TECPR2: variants seen among roughly 807,000 people sequenced by gnomAD.
TECPR2 encodes the protein tectonin beta-propeller repeat-containing protein 2.
A neutral mutation model predicts 138.1 loss-of-function variants in TECPR2; 65 were observed. That is an observed-to-expected ratio of 0.47 (90% CI 0.39 to 0.58). TECPR2 has a LOEUF of 0.58. Ranked by LOEUF, TECPR2 falls within the 20% of genes least tolerant of loss-of-function variation. TECPR2 has a pLI of 0.00. For missense variants in TECPR2, 1,553 were observed against 1,824.5 expected, an observed-to-expected ratio of 0.85 and a Z score of 2.71; for synonymous variants, 746 against 749.8, an observed-to-expected ratio of 0.99 and a Z score of 0.08.
chr14:102,446,017 C>T, intron 13 of TECPR2, 70 bp downstream of exon 13: 2 of 1,509,878 alleles, frequency 1.3e-6, no homozygotes, highest in South Asian at 2.5e-5. Flanking sequence ...TCTTACTTCT[C>T]TCTTTTCCTT....
chr14:102,456,853 T>C (rs1178393516), intron 16 of TECPR2, among the ~76,000 whole-genome samples: 4 of 151,922 alleles, frequency 2.6e-5, no homozygotes, highest in African/African-American at 9.7e-5. Flanking sequence ...CCTCCCAAAG[T>C]GCTGGGATTA....
At chr14:102,440,832 T>C (rs957452435) in intron 11 of TECPR2, among the ~76,000 whole-genome samples, 1 of 152,238 alleles carries the variant, frequency 6.6e-6, no homozygotes, top group Admixed American at 6.5e-5. Flanking sequence ...CAAAAATGAA[T>C]AGGATTATTT....
chr14:102,440,514 A>C lies in TECPR2; in HGVS notation c.2657A>C (p.His886Pro). ...CGKVTIKGKR[H>P]WYEALPQAVF... ...AAAGTCACCATCAAGGGGAAGCGGC[A>C]CTGGTACGAAGCCCTGCCCCAGGCA... The change falls in exon 11 of 20, where the codon CAC becomes CCC. Residue 886 changes from histidine (H) to proline (P), a missense_variant. By Grantham distance (77) the His-to-Pro change is moderately conservative. Transcript: ENST00000359520. 3.1e-6 allele frequency: 5 copies of C among 1,614,194 alleles called. No homozygotes were observed. Among genetic ancestry groups the C allele is most frequent in the Non-Finnish European group, 4.2e-6 (5 of 1,180,042 alleles).
chr14:102,491,382 ATTT>A (rs1374510081), intron 17 of TECPR2, among the ~76,000 whole-genome samples: 1 of 152,014 alleles, frequency 6.6e-6, no homozygotes, highest in Non-Finnish European at 1.5e-5. Context: ...TGCCCAGATA[ATTT>A]TTTAAATTTT....
chr14:102,450,333 C>T (rs2139752051), intron 14 of TECPR2, among the ~76,000 whole-genome samples: 1 of 152,294 alleles, frequency 6.6e-6, no homozygotes, highest in East Asian at 1.9e-4. Flanking sequence ...CCAGCCCTCT[C>T]CCTGCTGCAT....
Position 102,499,499 on chromosome 14 carries a change from G to C in TECPR2, c.*1242G>C. On this transcript the variant is annotated 3_prime_UTR_variant, in exon 20 of 20. Coordinates refer to ENST00000359520, the MANE Select transcript of TECPR2 (RefSeq NM_014844.5). ...GGGGCAGGCATCCCCGCACAGACTT[G>C]ACTGGCAGGGCGGTCACGGGACCTG... is the stretch of plus-strand genomic sequence containing the variant. 1 of 478,718 alleles carries C rather than the reference G, an allele frequency of 2.1e-6. No homozygotes were observed. The highest frequency in any genetic ancestry group is 2.4e-5 in the South Asian group (1 of 40,978). The allele number at this position is 478,718 out of a possible 1,614,324, so 29.7% of individuals were successfully genotyped here. A position where few individuals can be genotyped will look rare whatever the true frequency, so the allele number is the denominator to read the frequency against.
intron 2 of TECPR2, among the ~76,000 whole-genome samples, chr14:102,396,495 T>G (rs1240919066): frequency 6.6e-6 from 1 of 152,218 alleles, no homozygotes; most frequent in Non-Finnish European, 1.5e-5. Context: ...TTTGTTTTTT[T>G]GTGTTTTCAT....
intron 17 of TECPR2, among the ~76,000 whole-genome samples, chr14:102,483,899 C>T (rs892603052): frequency 1.4e-4 from 19 of 137,888 alleles, no homozygotes; most frequent in African/African-American, 5.1e-4. Context: ...CGGGTTCAAG[C>T]GATTCTCCTG....
Position 102,438,159 on chromosome 14 carries a change from G to A in TECPR2, c.2532G>A (p.Trp844Ter). 1 of 1,612,952 alleles carries A rather than the reference G, an allele frequency of 6.2e-7. No individual in the cohort carries two copies. Among genetic ancestry groups the A allele is most frequent in the Non-Finnish European group, 8.5e-7 (1 of 1,179,978 alleles). Residue 844 changes from tryptophan to a stop codon, truncating the protein, a stop_gained, in exon 10 of 20, where the codon TGG (tryptophan) becomes TGA (stop). Transcript: ENST00000359520. LOFTEE classifies it high-confidence loss of function. ...CSALPGAGLR[W>*]QKFEDAVQQV... ...CGTTGCCGGGCGCCGGGCTGCGCTG[G>A]CAGAAGTTTGAAGATGCTGTCCAGC...
intron 5 of TECPR2, among the ~76,000 whole-genome samples, chr14:102,424,508 T>C (rs1055078707): frequency 6.6e-6 from 1 of 152,312 alleles, no homozygotes; most frequent in African/African-American, 2.4e-5. Flanking sequence ...CTAATTTTTG[T>C]ATTTTTAGTA....
intron 17 of TECPR2, among the ~76,000 whole-genome samples, chr14:102,496,290 T>G (rs1258252740): frequency 6.6e-6 from 1 of 152,096 alleles, no homozygotes; most frequent in Non-Finnish European, 1.5e-5. Flanking sequence ...CTCCAGACAG[T>G]GCTGTGCTCG....
intron 2 of TECPR2, among the ~76,000 whole-genome samples, chr14:102,388,227 G>A (rs1373941541): frequency 6.6e-6 from 1 of 152,174 alleles, no homozygotes; most frequent in South Asian, 2.1e-4. Flanking sequence ...GGCTTCACGG[G>A]TGTCCTTCTT....
At chr14:102,461,326 G>T (rs959806707) in intron 16 of TECPR2, among the ~76,000 whole-genome samples, 2 of 152,142 alleles carry the variant, frequency 1.3e-5, no homozygotes, top group African/African-American at 4.8e-5. Flanking sequence ...ATTTAATGAA[G>T]AACTATTCAG....
intron 10 of TECPR2, among the ~76,000 whole-genome samples, chr14:102,439,933 G>A (rs1889784797): frequency 6.6e-6 from 1 of 152,220 alleles, no homozygotes; most frequent in Non-Finnish European, 1.5e-5. Flanking sequence ...CAGTGCAAGT[G>A]TGTTCCTTCT....
chr14:102,484,002 T>G (rs10142794), intron 17 of TECPR2, among the ~76,000 whole-genome samples: 63,615 of 93,072 alleles, frequency 0.68, 24,540 homozygotes, highest in African/African-American at 0.85. Flanking sequence ...TCACCATGTT[T>G]GCCAGGCTGG....
chr14:102,471,531 T>G (rs953494959), intron 17 of TECPR2, among the ~76,000 whole-genome samples: 15 of 150,260 alleles, frequency 1.0e-4, no homozygotes, highest in African/African-American at 3.7e-4. Flanking sequence ...TAGCAAGACA[T>G]CATCTCTACC....
At chr14:102,428,876 T>C (rs1889396332) in intron 7 of TECPR2, among the ~76,000 whole-genome samples, 1 of 151,858 alleles carries the variant, frequency 6.6e-6, no homozygotes, top group South Asian at 2.1e-4. Flanking sequence ...AGATGGAGTT[T>C]CGCTCTTGTT....
intron 4 of TECPR2, 59 bp from the exon 5 acceptor site, chr14:102,414,577 G>A: frequency 6.3e-7 from 1 of 1,598,696 alleles, no homozygotes; most frequent in Non-Finnish European, 8.5e-7. Context: ...CTTGTCCTAA[G>A]GGAGGTCCAT....
Position 102,460,764 on chromosome 14 carries a change from C to T in TECPR2, c.3641-4377C>T, listed in dbSNP as rs1232535507. Reference sequence around the variant, plus strand: ...GGCTGGAGTGCAGTGGCACGATCTCCGCTCACTGCAAGCTCCACCTCCCAG... The same window carrying T: ...GGCTGGAGTGCAGTGGCACGATCTCTGCTCACTGCAAGCTCCACCTCCCAG... On this transcript the variant is annotated intron_variant, in intron 16 of 19. Transcript: ENST00000359520. Among the ~76,000 whole-genome samples the T allele has an allele frequency of 9.3e-5, 14 of 150,860 alleles. No individual in the cohort carries two copies. In the East Asian group the frequency reaches 2.8e-3, roughly 30 times the overall value.
Sources: gnomAD v4.1 joint callset for allele counts (sites outside exome capture counted in the v4.1 genomes callset) on GRCh38, gnomAD v4.1.1 for gene constraint, MANE v1.5 for transcripts, NCBI Gene and HGNC (gene_info 2026-07-23, HGNC 2026-07-21) for gene names.